Variants in BCOR observed in about 807,000 individuals in gnomAD.
BCOR encodes the protein BCL-6 corepressor.
In BCOR, 10 loss-of-function variants were observed where a neutral mutation model predicts 86.7. The observed-to-expected ratio is 0.12, with a 90% CI of 0.07 to 0.20. The LOEUF (loss-of-function observed/expected upper bound fraction) is 0.20. Ranked by LOEUF, BCOR falls within the 10% of genes least tolerant of loss-of-function variation. BCOR has a pLI of 1.00. For synonymous variants in BCOR, 611 were observed against 609.0 expected (o/e 1.00, Z -0.05); for missense variants, 1,259 against 1,452.1 (o/e 0.87, Z 2.16).
intron 1 of BCOR, among the ~76,000 whole-genome samples, chrX:40,106,005 G>A (rs1228917062): frequency 8.9e-6 from 1 of 112,762 alleles, no homozygotes; most frequent in Non-Finnish European, 1.9e-5. Context: ...GCGGGGGACG[G>A]GAGTAGGTCA....
intron 1 of BCOR, among the ~76,000 whole-genome samples, chrX:40,108,476 G>A (rs1410443251): frequency 6.2e-5 from 7 of 113,429 alleles, no homozygotes; most frequent in African/African-American, 2.2e-4. Context: ...CCGAGTCCGC[G>A]AGGCGAGCGC....
At chrX:40,172,846 G>T (rs1938658911) in intron 1 of BCOR, among the ~76,000 whole-genome samples, 2 of 112,813 alleles carry the variant, frequency 1.8e-5, no homozygotes, top group Admixed American at 1.9e-4. Context: ...CGGCACCCGG[G>T]AGCACTGACA....
intron 1 of BCOR, among the ~76,000 whole-genome samples, chrX:40,120,500 C>T (rs1175332637): frequency 8.9e-6 from 1 of 111,875 alleles, no homozygotes; most frequent in Non-Finnish European, 1.9e-5. Flanking sequence ...CCATCCATTT[C>T]CCCCACATCC....
chrX:40,058,524 C>G (rs1371846037), intron 10 of BCOR, among the ~76,000 whole-genome samples: 1 of 111,913 alleles, frequency 8.9e-6, no homozygotes, highest in Non-Finnish European at 1.9e-5. Flanking sequence ...ATTTGAGCCA[C>G]CCATAAACGT....
At chrX:40,163,691 G>A (rs1198458559) in intron 1 of BCOR, among the ~76,000 whole-genome samples, 2 of 106,417 alleles carry the variant, frequency 1.9e-5, no homozygotes, top group Non-Finnish European at 3.8e-5. Context: ...GACCACAATC[G>A]CAACCAATGA....
chrX:40,135,054 C>T (rs922178174), intron 1 of BCOR, among the ~76,000 whole-genome samples: 6 of 111,077 alleles, frequency 5.4e-5, no homozygotes, highest in Admixed American at 9.6e-5. Flanking sequence ...ACTTAGGAAT[C>T]CCCCCCACAT....
intron 1 of BCOR, among the ~76,000 whole-genome samples, chrX:40,115,187 T>G (rs1304039146): frequency 9.0e-6 from 1 of 110,948 alleles, no homozygotes; most frequent in African/African-American, 3.3e-5. Context: ...CTACGGGGAT[T>G]CTACCTGACT....
chrX:40,158,217 G>T (rs956385761), intron 1 of BCOR, among the ~76,000 whole-genome samples: 1 of 112,522 alleles, frequency 8.9e-6, no homozygotes, highest in African/African-American at 3.2e-5. Flanking sequence ...ACTGGCCCTC[G>T]GGGTCCCCGT....
intron 2 of BCOR, chrX:40,076,815 T>A (rs1224886969): frequency 3.1e-6 from 1 of 327,122 alleles, no homozygotes; most frequent in East Asian, 8.0e-5. Flanking sequence ...CACAACTACT[T>A]CTCCCTCGAG....
chrX:40,077,235 C>T (rs1396610078), intron 2 of BCOR: 3 of 144,018 alleles, frequency 2.1e-5, no homozygotes, highest in Middle Eastern at 3.0e-3. Context: ...GTGCCAACTT[C>T]CAAATCCCCA....
chrX:40,104,949 G>C (rs1937144267), intron 1 of BCOR, among the ~76,000 whole-genome samples: 1 of 110,885 alleles, frequency 9.0e-6, no homozygotes, highest in African/African-American at 3.3e-5. Flanking sequence ...CGGGGCCGCA[G>C]CGAGCTGCGG....
At chrX:40,108,584 C>T (rs1937238395) in intron 1 of BCOR, among the ~76,000 whole-genome samples, 1 of 113,452 alleles carries the variant, frequency 8.8e-6, no homozygotes, top group Admixed American at 9.2e-5. Context: ...CAGAAGCCTC[C>T]GCCCGCCGGG....
intron 1 of BCOR, among the ~76,000 whole-genome samples, chrX:40,079,482 C>A (rs1935977370): frequency 9.0e-6 from 1 of 111,493 alleles, no homozygotes; most frequent in Non-Finnish European, 1.9e-5. Context: ...CCACCAGCAT[C>A]CCCCATGGGC....
At chrX:40,164,368 T>C (rs1389778384) in intron 1 of BCOR, among the ~76,000 whole-genome samples, 3 of 112,924 alleles carry the variant, frequency 2.7e-5, no homozygotes, top group Non-Finnish European at 5.6e-5. Flanking sequence ...ATTTCATAAC[T>C]TATTGCTAAA....
chrX:40,093,484 G>A (rs2147655613), intron 1 of BCOR, among the ~76,000 whole-genome samples: 1 of 111,463 alleles, frequency 9.0e-6, no homozygotes, highest in East Asian at 2.8e-4. Flanking sequence ...TCAAGCTGAA[G>A]AAAGAACTAG....
rs148714755 is a variant in BCOR, at chrX:40,088,662, G to A, written c.-41+8553C>T. The stretch of plus-strand genomic sequence containing the variant: ...CAGGTCTGGTTTTCTTCTCATGCTA[G>A]TAATTTTTTTAAATACATATTGATA... On this transcript the variant is annotated intron_variant, in intron 1 of 14. Coordinates refer to ENST00000378444, the MANE Select transcript of BCOR (RefSeq NM_001123385.2). Among the ~76,000 whole-genome samples the A allele has an allele frequency of 7.1e-5, 8 of 112,310 alleles. No individual in the cohort carries two copies. The East Asian group carries it at 2.2e-3, about 31-fold the overall frequency.
Position 40,062,101 on chromosome X carries a change from C to T in BCOR, c.4428+38G>A, listed in dbSNP as rs751771175. On this transcript the variant is annotated intron_variant, in intron 10 of 14. Coordinates refer to ENST00000378444, the MANE Select transcript of BCOR (RefSeq NM_001123385.2). The stretch of plus-strand genomic sequence containing the variant: ...CACCACAGTCCGCAGGCCCCGCCCC[C>T]CAGCCTGCAGCCCCAGGGAGCGCCC... The T allele has an allele frequency of 7.6e-6, 9 of 1,179,920 alleles. No individual in the cohort carries two copies. In the East Asian group the frequency reaches 9.4e-5, roughly 12 times the overall value.
intron 1 of BCOR, among the ~76,000 whole-genome samples, chrX:40,143,767 C>T (rs141118411): frequency 0.017 from 1,861 of 112,427 alleles, 34 homozygotes; most frequent in Admixed American, 0.069. Context: ...CCAGCCTGGC[C>T]AATGTGGTGA....
intron 1 of BCOR, among the ~76,000 whole-genome samples, chrX:40,168,057 C>G (rs1393329171): frequency 8.9e-6 from 1 of 112,673 alleles, no homozygotes; most frequent in East Asian, 2.8e-4. Context: ...TTGCTGGCGG[C>G]GGCGGGGCTT....
Sources: gnomAD v4.1 joint callset for allele counts (sites outside exome capture counted in the v4.1 genomes callset) on GRCh38, gnomAD v4.1.1 for gene constraint, MANE v1.5 for transcripts, NCBI Gene and HGNC (gene_info 2026-07-23, HGNC 2026-07-21) for gene names.